COX14: variants seen among roughly 807,000 people sequenced by gnomAD.
The protein encoded by COX14 is cytochrome c oxidase assembly factor COX14.
A neutral mutation model predicts 5.8 loss-of-function variants in COX14; 3 were observed. The ratio of observed to expected loss-of-function variants is 0.51; its 90% CI spans 0.23 to 1.33. The LOEUF (loss-of-function observed/expected upper bound fraction) is 1.33. Ranked by LOEUF, COX14 falls within the 40% of genes most tolerant of loss-of-function variation. The pLI is 0.18. For missense variants in COX14, 72 were observed against 72.1 expected (o/e 1.00, Z 0.01); for synonymous variants, 25 against 26.1 (o/e 0.96, Z 0.13).
Position 50,114,615 on chromosome 12 carries a change from CCT to C in COX14, c.-9+2321_-9+2322del, listed in dbSNP as rs557069250. Among the ~76,000 whole-genome samples the C allele has an allele frequency of 1.4e-3, 215 of 152,042 alleles. 1 individual carries two copies. Among genetic ancestry groups the C allele is most frequent in the African/African-American group, 5.1e-3 (210 of 41,480 alleles). ...CTTCTTTGAACTGTTGCTCCCTTGG[CCT>C]CTCTCTTTCTGGTCTTATCCTCTCC... On this transcript the variant is annotated intron_variant, in intron 1 of 1. Coordinates refer to ENST00000550487, the MANE Select transcript of COX14 (RefSeq NM_032901.4).
chr12:50,112,950 T>A (rs1405483197), intron 1 of COX14: 1 of 152,130 alleles, frequency 6.6e-6, no homozygotes, highest in African/African-American at 2.4e-5. Context: ...TATGTTATTT[T>A]GAGACAGGGT....
At chr12:50,112,651 T>C (rs1349557610) in intron 1 of COX14, among the ~76,000 whole-genome samples, 1 of 152,232 alleles carries the variant, frequency 6.6e-6, no homozygotes, top group Non-Finnish European at 1.5e-5. Flanking sequence ...GCATATCGGC[T>C]ATCCAGCTCC....
Position 50,114,413 on chromosome 12 carries a change from G to A in COX14, c.-9+2112G>A, listed in dbSNP as rs150258164. Among the ~76,000 whole-genome samples the A allele has an allele frequency of 4.2e-3, 642 of 151,892 alleles. 4 individuals are homozygous for A. The highest frequency in any genetic ancestry group is 6.1e-3 in the Non-Finnish European group (412 of 67,958). Reference sequence around the variant, plus strand: ...TACAGGCATGTGCCACCCCACGCCTGGCTAATTTTTGTACTTTTAGTAGAG... The same window carrying A: ...TACAGGCATGTGCCACCCCACGCCTAGCTAATTTTTGTACTTTTAGTAGAG... On this transcript the variant is annotated intron_variant, in intron 1 of 1. Coordinates refer to ENST00000550487, the MANE Select transcript of COX14 (RefSeq NM_032901.4).
At chr12:50,113,980 G>A (rs1951055364) in intron 1 of COX14, among the ~76,000 whole-genome samples, 1 of 150,542 alleles carries the variant, frequency 6.6e-6, no homozygotes, top group South Asian at 2.1e-4. Context: ...ACACAGTCTT[G>A]CTCTGCAAGT....
chr12:50,114,749 A>C (rs75257472), intron 1 of COX14, among the ~76,000 whole-genome samples: 1,478 of 146,116 alleles, frequency 0.01, 22 homozygotes, highest in African/African-American at 0.035. Flanking sequence ...TCATCACATG[A>C]ATGTTGTGTT....
chr12:50,112,253 G>A lies in COX14; in HGVS notation c.-57G>A, dbSNP rs966787141. On this transcript the variant is annotated 5_prime_UTR_variant, in exon 1 of 2. Transcript: ENST00000550487. Reference sequence around the variant, plus strand: ...GCGTAGACAGTGGCCTCGAGACCCTGCCTGCCTGAGGAGGCCTCGGTTGGA... The same window carrying A: ...GCGTAGACAGTGGCCTCGAGACCCTACCTGCCTGAGGAGGCCTCGGTTGGA... 3 of 974,042 alleles carry A rather than the reference G, an allele frequency of 3.1e-6. No individual in the cohort carries two copies. The highest frequency in any genetic ancestry group is 3.7e-6 in the Non-Finnish European group (3 of 819,482). 60.3% of individuals were successfully genotyped at this position (974,042 alleles called of 1,614,324 possible). A position where few individuals can be genotyped will look rare whatever the true frequency, so the allele number is the denominator to read the frequency against.
rs535517204 is a variant in COX14, at chr12:50,112,440, G to T, written c.-9+139G>T. 30 of 985,918 alleles carry T rather than the reference G, an allele frequency of 3.0e-5. No individual in the cohort carries two copies. The East Asian group carries it at 2.1e-3, about 71-fold the overall frequency. The allele number at this position is 985,918 out of a possible 1,614,324, so 61.1% of individuals were successfully genotyped here. Reference sequence around the variant, plus strand: ...CCTTGAATTCACCCGCTTCTGTTGCGTTGCGGACCGCGAGCTGCACTGCTT... The same window carrying T: ...CCTTGAATTCACCCGCTTCTGTTGCTTTGCGGACCGCGAGCTGCACTGCTT... On this transcript the variant is annotated intron_variant, in intron 1 of 1. Transcript: ENST00000550487.
intron 1 of COX14, among the ~76,000 whole-genome samples, chr12:50,118,133 G>A (rs1278817751): frequency 3.4e-5 from 5 of 148,370 alleles, no homozygotes; most frequent in South Asian, 2.2e-4. Context: ...TGCAACCTCC[G>A]CCTCCCAGGT....
chr12:50,114,874 T>A lies in COX14; in HGVS notation c.-9+2573T>A, dbSNP rs1394999320. ...CTTCCGCCTCCTGGGTTCAAGCAAT[T>A]CTCCTGCGTCAGCCTCCAGAGTAGT... On this transcript the variant is annotated intron_variant, in intron 1 of 1. Transcript: ENST00000550487. Among the ~76,000 whole-genome samples, 8 of 143,816 alleles carry A rather than the reference T, an allele frequency of 5.6e-5. No homozygotes were observed. In the East Asian group the frequency reaches 1.8e-3, roughly 32 times the overall value. The allele number at this position is 143,816 out of a possible 152,430, so 94.3% of individuals were successfully genotyped here.
intron 1 of COX14, chr12:50,112,854 C>G (rs1258161356): frequency 6.6e-6 from 1 of 151,974 alleles, no homozygotes; most frequent in African/African-American, 2.4e-5. Context: ...AGACCATAAG[C>G]TCCTGTATGA....
At chr12:50,114,948 A>G (rs1246593734) in intron 1 of COX14, among the ~76,000 whole-genome samples, 1 of 148,646 alleles carries the variant, frequency 6.7e-6, no homozygotes, top group East Asian at 2.0e-4. Flanking sequence ...TTGTAGTTTT[A>G]GTAGAGATGG....
intron 1 of COX14, among the ~76,000 whole-genome samples, chr12:50,116,092 AGT>A (rs1491561823): frequency 2.7e-5 from 3 of 112,484 alleles, no homozygotes; most frequent in African/African-American, 1.3e-4. Context: ...GAATCTGAAG[AGT>A]TTTTTTTTTT....
intron 1 of COX14, among the ~76,000 whole-genome samples, chr12:50,113,391 C>A (rs1951048666): frequency 6.6e-6 from 1 of 150,956 alleles, no homozygotes; most frequent in Non-Finnish European, 1.5e-5. Flanking sequence ...ACAAGCTCCG[C>A]CTTCCGGGTT....
chr12:50,115,402 A>G (rs977607588), intron 1 of COX14, among the ~76,000 whole-genome samples: 7 of 149,858 alleles, frequency 4.7e-5, no homozygotes, highest in Non-Finnish European at 1.0e-4. Context: ...TTTTTACTAG[A>G]GACGGGGTTT....
chr12:50,112,317 G>C lies in COX14; in HGVS notation c.-9+16G>C. 1.0e-6 allele frequency: 1 copy of C among 985,526 alleles called. No homozygotes were observed. The highest frequency in any genetic ancestry group is 1.2e-6 in the Non-Finnish European group (1 of 829,994). 61.0% of individuals were successfully genotyped at this position (985,526 alleles called of 1,614,324 possible). ...CAGCATCCAGGTACGCTGCCGGCTA[G>C]GGCCGAGCAGGGGCTGCCAGTCCCA... On this transcript the variant is annotated intron_variant, in intron 1 of 1. Transcript: ENST00000550487.
intron 1 of COX14, among the ~76,000 whole-genome samples, chr12:50,118,092 G>T (rs1951098570): frequency 6.8e-6 from 1 of 148,138 alleles, no homozygotes; most frequent in African/African-American, 2.5e-5. Context: ...CGTCATCCAG[G>T]CTGGAATGCA....
chr12:50,112,394 C>T, intron 1 of COX14, 93 bp downstream of exon 1: 5 of 985,794 alleles, frequency 5.1e-6, no homozygotes, highest in Non-Finnish European at 6.0e-6. Flanking sequence ...CCTCCCATCC[C>T]CTAGTCTGCA....
chr12:50,112,620 G>T (rs1204670490), intron 1 of COX14: 10 of 272,728 alleles, frequency 3.7e-5, no homozygotes, highest in East Asian at 1.8e-4. Context: ...CTGATAAGTG[G>T]CTCTCCGGGG....
intron 1 of COX14, among the ~76,000 whole-genome samples, chr12:50,117,086 T>G (rs1324521732): frequency 1.3e-5 from 2 of 152,176 alleles, no homozygotes; most frequent in Non-Finnish European, 2.9e-5. Context: ...CTCAGCTCAC[T>G]GTAGCCTCAA....
Sources: gnomAD v4.1 joint callset for allele counts (sites outside exome capture counted in the v4.1 genomes callset) on GRCh38, gnomAD v4.1.1 for gene constraint, MANE v1.5 for transcripts, NCBI Gene and HGNC (gene_info 2026-07-23, HGNC 2026-07-21) for gene names.